Variants in TRIM2 observed in about 807,000 individuals in gnomAD.
The protein encoded by TRIM2 is tripartite motif-containing protein 2.
Under a neutral mutation model 75.2 loss-of-function variants are expected in TRIM2, and 20 were observed. The ratio of observed to expected loss-of-function variants is 0.27; its 90% CI spans 0.19 to 0.39. TRIM2 has a LOEUF of 0.39. Ranked by LOEUF, TRIM2 falls within the 10% of genes least tolerant of loss-of-function variation. TRIM2 has a pLI of 1.00. For synonymous variants in TRIM2, 373 were observed against 388.3 expected (o/e 0.96, Z 0.46); for missense variants, 660 against 990.8 (o/e 0.67, Z 4.48).
rs567859696 is a variant in TRIM2, at chr4:153,189,146, G to A, written c.-49+35876G>A. ...AATCACAGGCATGAGTCACCGCACC[G>A]GCCTGGAGAGGCCGTTTCTAACTAG... On this transcript the variant is annotated intron_variant, in intron 1 of 11. Coordinates refer to the TRIM2 transcript ENST00000437508. Among the ~76,000 whole-genome samples the A allele has an allele frequency of 1.4e-4, 22 of 152,196 alleles. No homozygotes were observed. The South Asian group carries it at 3.3e-3, about 23-fold the overall frequency.
intron 1 of TRIM2, among the ~76,000 whole-genome samples, chr4:153,224,779 C>G (rs538223917): frequency 1.5e-3 from 235 of 152,330 alleles, no homozygotes; most frequent in African/African-American, 5.4e-3. Context: ...CTGACTTGCA[C>G]AGCTTCCTGA....
intron 1 of TRIM2, among the ~76,000 whole-genome samples, chr4:153,240,406 A>T (rs1309687571): frequency 6.6e-6 from 1 of 152,326 alleles, no homozygotes; most frequent in South Asian, 2.1e-4. Context: ...GAGGTTTTGT[A>T]TCACAGTTTA....
intron 1 of TRIM2, among the ~76,000 whole-genome samples, chr4:153,210,256 G>T (rs567513108): frequency 1.3e-5 from 2 of 151,968 alleles, no homozygotes; most frequent in South Asian, 4.2e-4. Flanking sequence ...GGAGAGACAG[G>T]GTTTTGCCAC....
chr4:153,242,498 C>T (rs528009128), intron 1 of TRIM2, among the ~76,000 whole-genome samples: 2 of 152,148 alleles, frequency 1.3e-5, no homozygotes, highest in East Asian at 3.9e-4. Context: ...GGAACTCCTG[C>T]TGTTCGACCT....
chr4:153,263,821 C>T (rs1222908234), intron 1 of TRIM2, among the ~76,000 whole-genome samples: 2 of 152,116 alleles, frequency 1.3e-5, no homozygotes, highest in Non-Finnish European at 2.9e-5. Context: ...GGCAGATGGC[C>T]CACATGGCAG....
intron 1 of TRIM2, among the ~76,000 whole-genome samples, chr4:153,244,607 A>AT (rs1273466509): frequency 1.1e-4 from 17 of 151,672 alleles, no homozygotes; most frequent in Admixed American, 1.1e-3. Flanking sequence ...CTTGGAATGG[A>AT]TTTATAAGAA....
At chr4:153,205,277 C>A (rs1425568848) in intron 1 of TRIM2, among the ~76,000 whole-genome samples, 3 of 152,194 alleles carry the variant, frequency 2.0e-5, no homozygotes, top group Admixed American at 6.5e-5. Context: ...CCTCGGGGTG[C>A]TTGCTGGTTT....
intron 11 of TRIM2, among the ~76,000 whole-genome samples, chr4:153,328,990 T>A (rs1468871277): frequency 1.3e-5 from 2 of 152,208 alleles, no homozygotes; most frequent in African/African-American, 4.8e-5. Flanking sequence ...TCATTTCCCT[T>A]AATCATGAAT....
At chr4:153,312,805 A>G (rs1462702003) in intron 6 of TRIM2, among the ~76,000 whole-genome samples, 4 of 152,066 alleles carry the variant, frequency 2.6e-5, no homozygotes, top group African/African-American at 4.8e-5. Flanking sequence ...TTTATTCTTA[A>G]GAGACCCTGG....
rs192129780 is a variant in TRIM2 at position 153,213,323 on chromosome 4, T to G, written c.30+8763T>G. 3.7e-4 allele frequency among the ~76,000 whole-genome samples: 57 copies of G among 152,346 alleles called. No individual in the cohort carries two copies. The East Asian group carries it at 0.01, about 28-fold the overall frequency. On this transcript the variant is annotated intron_variant, in intron 1 of 11. Transcript: ENST00000338700. ...TCTTTTGCATGAATGTGCAAAAATA[T>G]GTCTTCATGCTTCTATTTCTGTTCA...
intron 1 of TRIM2, chr4:153,257,609 T>C (rs1752383807): frequency 7.8e-7 from 1 of 1,288,048 alleles, no homozygotes; most frequent in East Asian, 5.5e-5. Flanking sequence ...CACTGCATGG[T>C]AGGGAATTTT....
chr4:153,193,276 T>A (rs1240989668), intron 1 of TRIM2, among the ~76,000 whole-genome samples: 1 of 151,562 alleles, frequency 6.6e-6, no homozygotes, highest in Non-Finnish European at 1.5e-5. Context: ...GGACTACAGG[T>A]GCCTGCCACC....
chr4:153,221,590 AAAG>A (rs1354994404), intron 1 of TRIM2, among the ~76,000 whole-genome samples: 1 of 152,072 alleles, frequency 6.6e-6, no homozygotes, highest in African/African-American at 2.4e-5. Flanking sequence ...TCTGCCCCCC[AAAG>A]AAGATAAGGC....
At chr4:153,269,134 T>A (rs1756002609) in intron 1 of TRIM2, among the ~76,000 whole-genome samples, 1 of 152,166 alleles carries the variant, frequency 6.6e-6, no homozygotes, top group African/African-American at 2.4e-5. Flanking sequence ...AAAAGACAGA[T>A]TAACGGGAGA....
At chr4:153,158,525 C>G (rs1015626324) in intron 1 of TRIM2, among the ~76,000 whole-genome samples, 1 of 151,870 alleles carries the variant, frequency 6.6e-6, no homozygotes, top group Admixed American at 6.6e-5. Flanking sequence ...CTTGTTCCTA[C>G]TGAGAATGAA....
At chr4:153,328,400 C>CT in intron 10 of TRIM2, 130 bp from the exon 11 acceptor site, 3 of 831,642 alleles carry the variant, frequency 3.6e-6, no homozygotes, top group South Asian at 4.6e-5. Context: ...ATTTCATTTT[C>CT]TTTTTTTAGA....
Position 153,244,352 on chromosome 4 carries a change from T to TTCTTCTTCTTCTTCC in TRIM2, c.31-25981_31-25980insTTCTTCTTCTTCCTC, listed in dbSNP as rs1560874221. On this transcript the variant is annotated intron_variant, in intron 1 of 11. Coordinates refer to ENST00000338700, the MANE Select transcript of TRIM2 (RefSeq NM_015271.5). ...CTTCTTCTTCTTCTTCTTCTTCTTC[T>TTCTTCTTCTTCTTCC]TCCTCTTCTTCTTCTTCTTCTTCTT... is the stretch of plus-strand genomic sequence containing the variant. 9.0e-5 allele frequency among the ~76,000 whole-genome samples: 3 copies of TTCTTCTTCTTCTTCC among 33,170 alleles called. 1 individual carries two copies. Among genetic ancestry groups the TTCTTCTTCTTCTTCC allele is most frequent in the African/African-American group, 2.2e-4 (1 of 4,452 alleles). The allele number at this position is 33,170 out of a possible 152,430, so 21.8% of individuals were successfully genotyped here. A position where few individuals can be genotyped will look rare whatever the true frequency, so the allele number is the denominator to read the frequency against.
At chr4:153,302,525 T>C (rs1310997676) in intron 6 of TRIM2, among the ~76,000 whole-genome samples, 1 of 152,186 alleles carries the variant, frequency 6.6e-6, no homozygotes, top group Non-Finnish European at 1.5e-5. Flanking sequence ...GGGTAGGACT[T>C]ACCCAGGTTG....
intron 4 of TRIM2, 141 bp from the exon 5 acceptor site, chr4:153,294,163 AT>A: frequency 2.4e-6 from 2 of 834,042 alleles, no homozygotes; most frequent in Non-Finnish European, 3.7e-6. Flanking sequence ...ATTATGTCAT[AT>A]CTTATTCTGT....
Sources: allele counts gnomAD v4.1 joint callset (sites outside exome capture counted in the v4.1 genomes callset), GRCh38; gene constraint gnomAD v4.1.1; transcripts MANE v1.5; gene names NCBI Gene and HGNC (gene_info 2026-07-23, HGNC 2026-07-21).